ATL2: variants seen among roughly 807,000 people sequenced by gnomAD.
ATL2 encodes the protein atlastin GTPase 2.
ATL2 carries 31 observed loss-of-function variants against 73.9 expected under a neutral mutation model. The ratio of observed to expected loss-of-function variants is 0.42; its 90% confidence interval spans 0.32 to 0.57. ATL2 has a LOEUF of 0.57. ATL2 is among the 20% of genes least tolerant of loss of function. The pLI is 0.14. For missense variants in ATL2, 738 were observed against 702.6 expected, an observed-to-expected ratio of 1.05 and a Z score of -0.57; for synonymous variants, 291 against 237.5, an observed-to-expected ratio of 1.23 and a Z score of -2.07.
chr2:38,371,338 CTCCACAAAAAATTTTAA>C (rs955512574), intron 1 of ATL2, among the ~76,000 whole-genome samples: 1 of 151,994 alleles, frequency 6.6e-6, no homozygotes, highest in African/African-American at 2.4e-5. Flanking sequence ...GAGACCACAT[CTCCACAAAAAATTTTAA>C]AAACTAGCCA....
At chr2:38,376,405 T>C in intron 1 of ATL2, 1 of 434,316 alleles carries the variant, frequency 2.3e-6, no homozygotes, top group African/African-American at 1.9e-5. Flanking sequence ...ACAGACACTT[T>C]CAGAGTGATC....
chr2:38,342,220 G>A (rs1184576508), intron 2 of ATL2, among the ~76,000 whole-genome samples: 1 of 151,932 alleles, frequency 6.6e-6, no homozygotes, highest in Non-Finnish European at 1.5e-5. Context: ...AAGGGAAAGA[G>A]ATTCATCAAT....
chr2:38,314,766 A>T (rs1667938563), intron 5 of ATL2, 102 bp from the exon 6 acceptor site: 1 of 716,548 alleles, frequency 1.4e-6, no homozygotes, highest in East Asian at 2.8e-5. Flanking sequence ...AACCTTTAAA[A>T]TCATTTCAAA....
intron 4 of ATL2, among the ~76,000 whole-genome samples, chr2:38,317,000 A>G (rs1668058806): frequency 6.6e-6 from 1 of 152,150 alleles, no homozygotes; most frequent in Admixed American, 6.5e-5. Flanking sequence ...CAACCCTATA[A>G]TAAACTGAAG....
chr2:38,361,625 T>C (rs746496938), intron 1 of ATL2, among the ~76,000 whole-genome samples: 1 of 152,140 alleles, frequency 6.6e-6, no homozygotes, highest in African/African-American at 2.4e-5. Context: ...ATATGGCAAA[T>C]ATTATGTATT....
intron 1 of ATL2, among the ~76,000 whole-genome samples, chr2:38,374,782 C>G (rs1319404369): frequency 2.0e-5 from 3 of 152,226 alleles, no homozygotes; most frequent in African/African-American, 7.2e-5. Context: ...TGGAAAAAGC[C>G]TAATTTTGGA....
chr2:38,377,335 C>CG, upstream of ATL2: 1 of 1,352,244 alleles, frequency 7.4e-7, no homozygotes, highest in Non-Finnish European at 9.9e-7. Context: ...CGGGAGCCGG[C>CG]GGGGTGGCCG....
At chr2:38,364,079 T>C (rs1034643466) in intron 1 of ATL2, among the ~76,000 whole-genome samples, 7 of 152,054 alleles carry the variant, frequency 4.6e-5, no homozygotes, top group Admixed American at 2.0e-4. Context: ...CTGACCAACA[T>C]GGTGAAACCC....
intron 1 of ATL2, among the ~76,000 whole-genome samples, chr2:38,363,490 T>C (rs191209127): frequency 6.6e-6 from 1 of 152,266 alleles, no homozygotes; most frequent in African/African-American, 2.4e-5. Context: ...TCTCCCAATA[T>C]TTGGGGAACA....
Position 38,310,433 on chromosome 2 carries a change from T to C in ATL2, c.819A>G (p.Gln273=). 1 of 1,595,236 alleles carries C rather than the reference T, an allele frequency of 6.3e-7. No homozygotes were observed. The highest frequency in any genetic ancestry group is 8.5e-7 in the Non-Finnish European group (1 of 1,173,120). Residue 273 remains glutamine, a synonymous_variant, in exon 8 of 13, where the codon CAA becomes CAG. Transcript: ENST00000378954. The stretch of plus-strand genomic sequence containing the variant: ...TCCTTACATTCTGAAGCTCTTCATG[T>C]TGATTTTGTTTTACCTGAGGGCGGA... ...LEKRLQVKQN[Q]HEELQNVRKH... is the part of the protein sequence containing the mutation.
intron 1 of ATL2, among the ~76,000 whole-genome samples, chr2:38,368,013 C>G (rs1671443656): frequency 6.6e-6 from 1 of 151,656 alleles, no homozygotes; most frequent in South Asian, 2.1e-4. Flanking sequence ...CGGCTCACTG[C>G]AAGCTCCACC....
At chr2:38,367,813 A>G (rs1338557513) in intron 1 of ATL2, among the ~76,000 whole-genome samples, 1 of 149,308 alleles carries the variant, frequency 6.7e-6, no homozygotes, top group Non-Finnish European at 1.5e-5. Flanking sequence ...TTGTATTTTT[A>G]GTAGAGATGG....
At chr2:38,313,310 C>G (rs968417333) in intron 6 of ATL2, 67 bp from the exon 7 acceptor site, 1 of 1,162,036 alleles carries the variant, frequency 8.6e-7, no homozygotes, top group African/African-American at 1.6e-5. Context: ...AATCACAACT[C>G]TTAACAATTG....
intron 9 of ATL2, among the ~76,000 whole-genome samples, chr2:38,301,119 C>T (rs191946477): frequency 2.0e-5 from 3 of 151,902 alleles, no homozygotes; most frequent in East Asian, 1.9e-4. Flanking sequence ...TACAGGCATG[C>T]GCCACCACAT....
chr2:38,296,528 T>G, intron 12 of ATL2: 2 of 1,614,096 alleles, frequency 1.2e-6, no homozygotes, highest in Non-Finnish European at 8.5e-7. Context: ...TCTGTCGCTG[T>G]GCTGATGAAA....
intron 2 of ATL2, among the ~76,000 whole-genome samples, chr2:38,326,878 C>T (rs913580130): frequency 4.6e-5 from 7 of 152,038 alleles, no homozygotes; most frequent in Admixed American, 4.6e-4. Flanking sequence ...GTCCCAGGTA[C>T]TTGGGAGGCT....
At chr2:38,347,206 G>A (rs1240414773) in intron 1 of ATL2, among the ~76,000 whole-genome samples, 1 of 152,160 alleles carries the variant, frequency 6.6e-6, no homozygotes, top group African/African-American at 2.4e-5. Context: ...ATAGTCGTAT[G>A]CGATCTGGGC....
intron 1 of ATL2, among the ~76,000 whole-genome samples, chr2:38,344,967 C>A (rs563041899): frequency 6.6e-6 from 1 of 152,150 alleles, no homozygotes; most frequent in South Asian, 2.1e-4. Flanking sequence ...TGAATAGTGA[C>A]GAAGAAGTAC....
In ATL2 at chr2:38,294,790, G is replaced by T. The variant is rs1343976925; in HGVS notation, c.*1204C>A. 1 of 152,088 alleles carries T rather than the reference G, an allele frequency of 6.6e-6. No homozygotes were observed. Among genetic ancestry groups the T allele is most frequent in the African/African-American group, 2.4e-5 (1 of 41,418 alleles). 9.4% of individuals were successfully genotyped at this position (152,088 alleles called of 1,614,324 possible). On this transcript the variant is annotated 3_prime_UTR_variant, in exon 13 of 13. Coordinates refer to ENST00000378954, the MANE Select transcript of ATL2 (RefSeq NM_001135673.4). ...ATGCCTTAGAGCTCTCAACTGGGGTGTTTCCTGCTCATGCTCTTTTCACTA... is the reference window on the plus strand; with the variant it reads ...ATGCCTTAGAGCTCTCAACTGGGGTTTTTCCTGCTCATGCTCTTTTCACTA...
Sources: allele counts gnomAD v4.1 joint callset (sites outside exome capture counted in the v4.1 genomes callset), GRCh38; gene constraint gnomAD v4.1.1; transcripts MANE v1.5; gene names NCBI Gene and HGNC (gene_info 2026-07-23, HGNC 2026-07-21).